The following CIMIP6 variants were observed in gnomAD, a reference collection of about 807,000 sequenced individuals.
The protein encoded by CIMIP6 is ciliary microtubule inner protein 6, also known as uncharacterized protein C2orf73.
At chr2:54,339,519 G>T in the CIMIP6 span, among the ~76,000 whole-genome samples, 2 of 74,704 alleles carry the variant, frequency 2.7e-5, 1 homozygote, top group Non-Finnish European at 7.0e-5. Context: ...ATTTTTTATG[G>T]GGGGGTGCAT....
chr2:54,332,151 C>T, the CIMIP6 span, among the ~76,000 whole-genome samples: 1 of 152,172 alleles, frequency 6.6e-6, no homozygotes, highest in Non-Finnish European at 1.5e-5. Flanking sequence ...TGCTAGAATG[C>T]TTTTCCCACA....
At chr2:54,353,882 T>A in the CIMIP6 span, among the ~76,000 whole-genome samples, 1 of 152,178 alleles carries the variant, frequency 6.6e-6, no homozygotes, top group African/African-American at 2.4e-5. Context: ...ATAATCAAGT[T>A]TTTACCTTAT....
At chr2:54,343,559 A>AT in the CIMIP6 span, among the ~76,000 whole-genome samples, 2 of 152,214 alleles carry the variant, frequency 1.3e-5, no homozygotes, top group Non-Finnish European at 2.9e-5. Flanking sequence ...AAAGAAATAC[A>AT]TTTTTTGTGA....
chr2:54,377,177 G>A, the CIMIP6 span, among the ~76,000 whole-genome samples: 1 of 152,032 alleles, frequency 6.6e-6, no homozygotes, highest in African/African-American at 2.4e-5. Context: ...GCTGATAAAC[G>A]TTGAACCCAC....
the CIMIP6 span, among the ~76,000 whole-genome samples, chr2:54,347,816 C>T: frequency 6.6e-6 from 1 of 152,154 alleles, no homozygotes; most frequent in East Asian, 1.9e-4. Context: ...TGATGCCTCC[C>T]GATTCCCAGG....
At chr2:54,338,885 C>T in the CIMIP6 span, among the ~76,000 whole-genome samples, 6 of 74,420 alleles carry the variant, frequency 8.1e-5, 2 homozygotes, top group Non-Finnish European at 2.1e-4. Flanking sequence ...GGTGCGGTGG[C>T]TCATGCCTGC....
At chr2:54,330,958 C>T in the CIMIP6 span, 2 of 1,613,070 alleles carry the variant, frequency 1.2e-6, no homozygotes, top group South Asian at 2.2e-5. Context: ...TCCTCGCTGC[C>T]TGGTGCCGTA....
the CIMIP6 span, chr2:54,331,057 C>G: frequency 6.4e-7 from 1 of 1,561,466 alleles, no homozygotes. Context: ...TTTCCTCCTT[C>G]AGGGGGAGGC....
At chr2:54,355,091 AG>A in the CIMIP6 span, among the ~76,000 whole-genome samples, 1 of 152,152 alleles carries the variant, frequency 6.6e-6, no homozygotes, top group African/African-American at 2.4e-5. Context: ...TTGGCTTCAC[AG>A]TTAAATGAAA....
the CIMIP6 span, among the ~76,000 whole-genome samples, chr2:54,362,151 C>A: frequency 6.6e-6 from 1 of 152,090 alleles, no homozygotes; most frequent in African/African-American, 2.4e-5. Context: ...CCACTGAAGT[C>A]CCTGACAAAA....
At chr2:54,346,995 A>G in the CIMIP6 span, among the ~76,000 whole-genome samples, 70 of 152,358 alleles carry the variant, frequency 4.6e-4, no homozygotes, top group East Asian at 0.013. Context: ...AATATAACTC[A>G]GACCAAGGAG....
the CIMIP6 span, among the ~76,000 whole-genome samples, chr2:54,352,156 C>G: frequency 6.6e-6 from 1 of 152,134 alleles, no homozygotes; most frequent in Non-Finnish European, 1.5e-5. Context: ...TAACAAATTA[C>G]AGGTTTAACT....
chr2:54,334,909 C>G, the CIMIP6 span: 2 of 1,579,844 alleles, frequency 1.3e-6, no homozygotes, highest in Non-Finnish European at 1.7e-6. Context: ...ATACATCATT[C>G]AAAATCACAT....
chr2:54,343,266 A>G, the CIMIP6 span, among the ~76,000 whole-genome samples: 4 of 152,198 alleles, frequency 2.6e-5, no homozygotes, highest in African/African-American at 9.6e-5. Flanking sequence ...ATGACATAAA[A>G]TGTATTTCAT....
chr2:54,375,550 A>T, the CIMIP6 span, among the ~76,000 whole-genome samples: 1 of 152,330 alleles, frequency 6.6e-6, no homozygotes, highest in South Asian at 2.1e-4. Flanking sequence ...ATTTGACAAA[A>T]GTTATCAAAA....
chr2:54,351,127 C>G, the CIMIP6 span, among the ~76,000 whole-genome samples: 2 of 152,188 alleles, frequency 1.3e-5, no homozygotes, highest in African/African-American at 4.8e-5. Flanking sequence ...ACTTGTTTGA[C>G]ATTTAACTCA....
At chr2:54,343,842 C>A in the CIMIP6 span, 1 of 1,607,482 alleles carries the variant, frequency 6.2e-7, no homozygotes, top group Non-Finnish European at 8.5e-7. Flanking sequence ...CAGTCAAACA[C>A]AGCAAGATGC....
chr2:54,362,841 A>G, the CIMIP6 span, among the ~76,000 whole-genome samples: 2 of 152,164 alleles, frequency 1.3e-5, no homozygotes, highest in African/African-American at 4.8e-5. Flanking sequence ...GCCACTGTGC[A>G]TGGCTCTCAT....
chr2:54,344,685 C>CA, the CIMIP6 span, among the ~76,000 whole-genome samples: 1 of 148,684 alleles, frequency 6.7e-6, no homozygotes, highest in Non-Finnish European at 1.5e-5. Context: ...TCAACTACCA[C>CA]ACCAGTTATT....
Sources: gnomAD v4.1 joint callset for allele counts (sites outside exome capture counted in the v4.1 genomes callset) on GRCh38, gnomAD v4.1.1 for gene constraint, MANE v1.5 for transcripts, NCBI Gene and HGNC (gene_info 2026-07-23, HGNC 2026-07-21) for gene names.